The following RASEF variants were observed in gnomAD, a reference collection of about 807,000 sequenced individuals.
RASEF encodes the protein RAS and EF-hand domain containing.
A neutral mutation model predicts 90.1 loss-of-function variants in RASEF; 68 were observed. That is an observed-to-expected ratio of 0.75 (90% CI 0.62 to 0.92). The LOEUF (loss-of-function observed/expected upper bound fraction) is 0.92, where lower values mean the gene tolerates loss of function less well. Ranked by LOEUF, RASEF falls within the 40% of genes least tolerant of loss-of-function variation. The pLI, the probability that RASEF is intolerant of heterozygous loss-of-function variation, is 0.00. For synonymous variants in RASEF, 331 were observed against 345.2 expected (o/e 0.96, Z 0.46); for missense variants, 949 against 937.2 (o/e 1.01, Z -0.16).
chr9:83,218,100 C>A, the RASEF span, among the ~76,000 whole-genome samples: 1 of 152,218 alleles, frequency 6.6e-6, no homozygotes, highest in South Asian at 2.1e-4. Context: ...AATGAAACAG[C>A]TTACTGATAA....
the RASEF span, among the ~76,000 whole-genome samples, chr9:83,093,289 G>A: frequency 1.3e-5 from 2 of 152,320 alleles, no homozygotes; most frequent in African/African-American, 4.8e-5. Flanking sequence ...GTCCCTCGCC[G>A]TGTGCTCACA....
chr9:83,195,099 T>G, the RASEF span, among the ~76,000 whole-genome samples: 1 of 152,196 alleles, frequency 6.6e-6, no homozygotes, highest in Non-Finnish European at 1.5e-5. Context: ...GAGCATGCCC[T>G]TGGGCTGCCC....
intron 15 of RASEF, among the ~76,000 whole-genome samples, chr9:82,991,202 C>T (rs1253253376): frequency 6.6e-6 from 1 of 152,138 alleles, no homozygotes; most frequent in South Asian, 2.1e-4. Flanking sequence ...GGGACCTTTG[C>T]ACCTACTCTT....
At chr9:83,057,220 T>A (rs1041768013) in intron 1 of RASEF, among the ~76,000 whole-genome samples, 1 of 152,058 alleles carries the variant, frequency 6.6e-6, no homozygotes, top group Non-Finnish European at 1.5e-5. Flanking sequence ...AATAAACCCA[T>A]CCAAATTGGA....
the RASEF span, among the ~76,000 whole-genome samples, chr9:83,075,772 G>A: frequency 6.6e-6 from 1 of 151,854 alleles, no homozygotes; most frequent in Non-Finnish European, 1.5e-5. Context: ...AACATGAAGA[G>A]ATGTTAAAAT....
chr9:83,186,703 T>C, the RASEF span, among the ~76,000 whole-genome samples: 1 of 152,114 alleles, frequency 6.6e-6, no homozygotes, highest in East Asian at 1.9e-4. Context: ...TTGTAAATAG[T>C]GGTGGCCAGT....
At chr9:83,149,413 A>G in the RASEF span, among the ~76,000 whole-genome samples, 1 of 152,216 alleles carries the variant, frequency 6.6e-6, no homozygotes, top group African/African-American at 2.4e-5. Flanking sequence ...AGGAAGAGAC[A>G]TTACACTGAA....
Position 83,009,730 on chromosome 9 carries a change from A to G in RASEF, c.870T>C (p.Leu290=). 4 of 1,613,046 alleles carry G rather than the reference A, an allele frequency of 2.5e-6. No homozygotes were observed. Among genetic ancestry groups the G allele is most frequent in the Non-Finnish European group, 3.4e-6 (4 of 1,179,186 alleles). ...AGGCTATGTTTGTCTGTGCTTCTAA[A>G]AGGTCTTTCTTAACTTTCTGGTTTT... is the stretch of plus-strand genomic sequence containing the variant. ...SMENQKVKKD[L]LEAQTNIAFL... Residue 290 remains leucine, a synonymous_variant, in exon 6 of 17, where the codon CTT becomes CTC. Transcript: ENST00000376447.
chr9:83,009,958 C>T (rs539157407), intron 5 of RASEF, among the ~76,000 whole-genome samples: 15 of 152,292 alleles, frequency 9.8e-5, no homozygotes, highest in African/African-American at 3.6e-4. Context: ...TCAAAACCCT[C>T]AAAGTCATTC....
chr9:83,062,396 A>C (rs1378356408), intron 1 of RASEF, 41 bp downstream of exon 1: 6 of 1,598,512 alleles, frequency 3.8e-6, no homozygotes, highest in Non-Finnish European at 5.1e-6. Flanking sequence ...AGCAAGCAGG[A>C]AGCGCCAGAA....
chr9:82,987,245 T>G (rs1205592239), intron 16 of RASEF, among the ~76,000 whole-genome samples: 2 of 109,350 alleles, frequency 1.8e-5, no homozygotes, highest in Non-Finnish European at 4.2e-5. Context: ...AATTAAGGTC[T>G]TCATATGTTT....
chr9:83,012,039 C>A (rs1829255811), intron 5 of RASEF, among the ~76,000 whole-genome samples: 1 of 150,860 alleles, frequency 6.6e-6, no homozygotes, highest in Non-Finnish European at 1.5e-5. Context: ...TTTGTTAGTA[C>A]TAAAAGTAGA....
the RASEF span, among the ~76,000 whole-genome samples, chr9:83,107,603 T>C: frequency 6.6e-6 from 1 of 152,212 alleles, no homozygotes; most frequent in African/African-American, 2.4e-5. Flanking sequence ...CACTAATTAT[T>C]GATAGAAGCT....
rs1453085574 is a variant in RASEF, at chr9:82,999,223, A to G, written c.1724-777T>C. On this transcript the variant is annotated intron_variant, in intron 12 of 16. Coordinates refer to ENST00000376447, the MANE Select transcript of RASEF (RefSeq NM_152573.4). Reference sequence around the variant, plus strand: ...CCTTTTACTATTATGCAAATTTGGGAAATCAGGATACTACTTGTTCTATTG... The same window carrying G: ...CCTTTTACTATTATGCAAATTTGGGGAATCAGGATACTACTTGTTCTATTG... Among the ~76,000 whole-genome samples, 6 of 152,108 alleles carry G rather than the reference A, an allele frequency of 3.9e-5. 1 individual carries two copies. Among genetic ancestry groups the G allele is most frequent in the Admixed American group, 3.9e-4 (6 of 15,270 alleles).
the RASEF span, among the ~76,000 whole-genome samples, chr9:83,144,526 A>G: frequency 1.3e-5 from 2 of 152,090 alleles, no homozygotes; most frequent in Non-Finnish European, 2.9e-5. Context: ...GGAAGATTTC[A>G]GGCAAGGTTA....
the RASEF span, among the ~76,000 whole-genome samples, chr9:83,136,937 A>G: frequency 6.6e-6 from 1 of 152,040 alleles, no homozygotes; most frequent in Admixed American, 6.6e-5. Context: ...TCATCCTTTA[A>G]CAATTTTTTT....
chr9:82,991,528 C>CA (rs1477527575), intron 15 of RASEF, among the ~76,000 whole-genome samples: 1 of 152,114 alleles, frequency 6.6e-6, no homozygotes, highest in African/African-American at 2.4e-5. Flanking sequence ...AAGGAGGTGA[C>CA]ACTTGCTCTA....
At chr9:83,171,711 C>T in the RASEF span, among the ~76,000 whole-genome samples, 1,562 of 151,910 alleles carry the variant, frequency 0.01, 36 homozygotes, top group African/African-American at 0.036. Context: ...AATGTATTGG[C>T]ATATAGTTGC....
At chr9:83,143,691 C>T in the RASEF span, among the ~76,000 whole-genome samples, 1 of 152,120 alleles carries the variant, frequency 6.6e-6, no homozygotes, top group African/African-American at 2.4e-5. Context: ...AAAGGGAACC[C>T]TTAGACACTG....
Sources: gnomAD v4.1 joint callset for allele counts (sites outside exome capture counted in the v4.1 genomes callset) on GRCh38, gnomAD v4.1.1 for gene constraint, MANE v1.5 for transcripts, NCBI Gene and HGNC (gene_info 2026-07-23, HGNC 2026-07-21) for gene names.